Variants in SNTG2 observed in about 807,000 individuals in gnomAD.
SNTG2 encodes the protein syntrophin gamma 2, also known as gamma-2-syntrophin.
SNTG2 carries 74 observed loss-of-function variants against 70.9 expected under a neutral mutation model. That is an observed-to-expected ratio of 1.04 (90% CI 0.86 to 1.27). The LOEUF is 1.27. Among genes scored for constraint, SNTG2 ranks in the 50% most tolerant of loss-of-function variants. SNTG2 has a pLI of 0.00. For synonymous variants in SNTG2, 278 were observed against 273.8 expected (o/e 1.02, Z -0.15); for missense variants, 717 against 690.7 (o/e 1.04, Z -0.43).
At chr2:992,910 T>C (rs1056468124) in intron 1 of SNTG2, among the ~76,000 whole-genome samples, 2 of 152,132 alleles carry the variant, frequency 1.3e-5, no homozygotes, top group African/African-American at 4.8e-5. Flanking sequence ...AAGAACTCTT[T>C]AGCACCCTTA....
chr2:1,175,826 T>C (rs1161832368), intron 8 of SNTG2, among the ~76,000 whole-genome samples: 1 of 152,154 alleles, frequency 6.6e-6, no homozygotes, highest in Non-Finnish European at 1.5e-5. Context: ...ACACAGAGCA[T>C]GGGGCATGAT....
intron 6 of SNTG2, among the ~76,000 whole-genome samples, chr2:1,155,606 G>A (rs1327262197): frequency 3.3e-5 from 5 of 152,304 alleles, no homozygotes; most frequent in African/African-American, 9.6e-5. Flanking sequence ...CAATCTGGAC[G>A]TCAGCCCTGG....
chr2:1,203,663 CAAAA>C (rs201271605), intron 8 of SNTG2, among the ~76,000 whole-genome samples: 2 of 113,108 alleles, frequency 1.8e-5, no homozygotes, highest in African/African-American at 3.5e-5. Context: ...CAAAAACAAA[CAAAA>C]AAAAAAATAT....
intron 8 of SNTG2, among the ~76,000 whole-genome samples, chr2:1,205,882 T>C (rs1673603436): frequency 6.6e-6 from 1 of 152,336 alleles, no homozygotes; most frequent in Middle Eastern, 3.4e-3. Flanking sequence ...CAGTCACATA[T>C]AAATGCTACA....
intron 15 of SNTG2, among the ~76,000 whole-genome samples, chr2:1,312,687 C>T (rs922394210): frequency 3.3e-5 from 5 of 152,214 alleles, no homozygotes; most frequent in African/African-American, 1.2e-4. Context: ...ACCACCAGGC[C>T]ACTTCCCACA....
intron 1 of SNTG2, among the ~76,000 whole-genome samples, chr2:1,030,567 C>T (rs1660759185): frequency 1.3e-5 from 2 of 152,282 alleles, no homozygotes; most frequent in South Asian, 2.1e-4. Context: ...ATACTTTGGC[C>T]ATGTCAGTCA....
At chr2:1,285,399 T>C (rs1323037951) in intron 14 of SNTG2, among the ~76,000 whole-genome samples, 2 of 152,092 alleles carry the variant, frequency 1.3e-5, no homozygotes, top group Non-Finnish European at 2.9e-5. Flanking sequence ...CATATACATC[T>C]CCTGAGATTA....
intron 6 of SNTG2, among the ~76,000 whole-genome samples, chr2:1,141,102 A>C (rs899028350): frequency 6.6e-6 from 1 of 152,188 alleles, no homozygotes; most frequent in Non-Finnish European, 1.5e-5. Context: ...CAGGGTGGGA[A>C]GCCCCATTCA....
At chr2:1,279,696 T>G (rs1409134087) in intron 14 of SNTG2, among the ~76,000 whole-genome samples, 1 of 152,228 alleles carries the variant, frequency 6.6e-6, no homozygotes, top group Admixed American at 6.5e-5. Context: ...GGAAGTTGGC[T>G]GGAGTAGGTG....
intron 16 of SNTG2, among the ~76,000 whole-genome samples, chr2:1,332,390 A>T (rs1659579273): frequency 6.6e-6 from 1 of 152,206 alleles, no homozygotes; most frequent in African/African-American, 2.4e-5. Flanking sequence ...CTATTCCAAA[A>T]GATAGAGAAA....
intron 4 of SNTG2, among the ~76,000 whole-genome samples, chr2:1,123,155 A>G (rs1234064921): frequency 6.6e-6 from 1 of 152,198 alleles, no homozygotes; most frequent in Non-Finnish European, 1.5e-5. Context: ...AGTTATATAT[A>G]GATTCAGTGT....
chr2:1,115,149 G>A (rs1376758261), intron 4 of SNTG2, among the ~76,000 whole-genome samples: 1 of 151,690 alleles, frequency 6.6e-6, no homozygotes, highest in Admixed American at 6.6e-5. Context: ...AGTCGTTTGA[G>A]GAGGATCGTG....
intron 1 of SNTG2, among the ~76,000 whole-genome samples, chr2:971,379 C>G (rs1660733885): frequency 6.6e-6 from 1 of 151,918 alleles, no homozygotes; most frequent in African/African-American, 2.4e-5. Flanking sequence ...CTTACTGGTT[C>G]TCCCTTGGAA....
intron 1 of SNTG2, among the ~76,000 whole-genome samples, chr2:959,402 C>T (rs938889457): frequency 3.3e-5 from 5 of 152,130 alleles, no homozygotes; most frequent in Admixed American, 6.5e-5. Flanking sequence ...CAAATTTTGT[C>T]GTGACCTACA....
At chr2:1,036,373 G>A (rs567067494) in intron 1 of SNTG2, among the ~76,000 whole-genome samples, 5 of 151,322 alleles carry the variant, frequency 3.3e-5, no homozygotes, top group East Asian at 3.9e-4. Flanking sequence ...TTTCTCAAAC[G>A]TTTAGAAGAA....
At chr2:1,191,469 C>T (rs1337364541) in intron 8 of SNTG2, among the ~76,000 whole-genome samples, 1 of 152,144 alleles carries the variant, frequency 6.6e-6, no homozygotes, top group Non-Finnish European at 1.5e-5. Flanking sequence ...GATCAGAAAG[C>T]AGGGCCCAGA....
chr2:1,061,930 AAATG>A (rs966529734), intron 1 of SNTG2, among the ~76,000 whole-genome samples: 1 of 152,242 alleles, frequency 6.6e-6, no homozygotes, highest in African/African-American at 2.4e-5. Flanking sequence ...ACTAAAGAAA[AAATG>A]AATATATACT....
chr2:1,172,412 A>G (rs913731432), intron 7 of SNTG2, among the ~76,000 whole-genome samples: 2 of 152,190 alleles, frequency 1.3e-5, no homozygotes, highest in African/African-American at 4.8e-5. Flanking sequence ...GCCCACTCTT[A>G]TAGTCCAGCC....
intron 8 of SNTG2, among the ~76,000 whole-genome samples, chr2:1,202,556 A>G (rs1201571809): frequency 6.6e-6 from 1 of 152,182 alleles, no homozygotes; most frequent in Non-Finnish European, 1.5e-5. Flanking sequence ...GCAACATGTA[A>G]TTAAGCCCAG....
Sources: allele counts gnomAD v4.1 joint callset (sites outside exome capture counted in the v4.1 genomes callset), GRCh38; gene constraint gnomAD v4.1.1; transcripts MANE v1.5; gene names NCBI Gene and HGNC (gene_info 2026-07-23, HGNC 2026-07-21).